Variants in CTNNA3 observed in about 807,000 individuals in gnomAD.
CTNNA3 encodes the protein catenin alpha-3.
In CTNNA3, 76 loss-of-function variants were observed where a neutral mutation model predicts 95.7. The observed-to-expected ratio is 0.79, with a 90% confidence interval of 0.66 to 0.96. The LOEUF (loss-of-function observed/expected upper bound fraction) is 0.96. CTNNA3 is among the 40% of genes least tolerant of loss of function. The pLI is 0.00. For synonymous variants in CTNNA3, 431 were observed against 374.4 expected (o/e 1.15, Z -1.74); for missense variants, 1,191 against 1,089.8 (o/e 1.09, Z -1.31).
chr10:67,611,810 G>A (rs967636469), intron 2 of CTNNA3, among the ~76,000 whole-genome samples: 1 of 152,070 alleles, frequency 6.6e-6, no homozygotes, highest in Non-Finnish European at 1.5e-5. Context: ...GCTCACAGGA[G>A]CCTTCAGGGC....
chr10:67,569,390 G>C (rs1364499055), intron 3 of CTNNA3, among the ~76,000 whole-genome samples: 1 of 152,128 alleles, frequency 6.6e-6, no homozygotes, highest in Non-Finnish European at 1.5e-5. Context: ...TAAAGTATGA[G>C]AAATTCTGTA....
At chr10:67,388,902 TGAAG>T (rs1029078275) in intron 5 of CTNNA3, among the ~76,000 whole-genome samples, 9 of 152,074 alleles carry the variant, frequency 5.9e-5, no homozygotes, top group Non-Finnish European at 1.2e-4. Flanking sequence ...CAAGAGCTCC[TGAAG>T]GAAGCGCTAA....
At position 67,289,442 on chromosome 10, in the gene CTNNA3, G is replaced by A. The variant is rs144244843; in HGVS notation, c.580-69572C>T. Among the ~76,000 whole-genome samples the A allele has an allele frequency of 3.2e-3, 485 of 152,242 alleles. 4 individuals carry two copies. The highest frequency in any genetic ancestry group is 0.011 in the African/African-American group (462 of 41,520). ...TGCTCTTGTACAGATGAGGAAACTA[G>A]GATCAGGGTAATTACATCCAAGGTC... On this transcript the variant is annotated intron_variant, in intron 5 of 17. Transcript: ENST00000433211.
At chr10:67,650,814 G>A (rs906034627) in intron 1 of CTNNA3, among the ~76,000 whole-genome samples, 2 of 152,138 alleles carry the variant, frequency 1.3e-5, no homozygotes, top group African/African-American at 4.8e-5. Flanking sequence ...AGGGATGATG[G>A]AAGATCAGAG....
chr10:66,960,724 G>A (rs1849063060), intron 7 of CTNNA3, among the ~76,000 whole-genome samples: 1 of 152,060 alleles, frequency 6.6e-6, no homozygotes, highest in Admixed American at 6.6e-5. Flanking sequence ...AATTTTAAGG[G>A]GGAAATACAG....
At chr10:67,120,001 C>T (rs931845129) in intron 7 of CTNNA3, among the ~76,000 whole-genome samples, 6 of 151,802 alleles carry the variant, frequency 4.0e-5, no homozygotes, top group Non-Finnish European at 7.4e-5. Context: ...CATATCTTAG[C>T]TCTAGATAAA....
chr10:66,689,032 T>C (rs1401501003), intron 9 of CTNNA3, among the ~76,000 whole-genome samples: 2 of 151,910 alleles, frequency 1.3e-5, no homozygotes, highest in African/African-American at 4.8e-5. Context: ...AGAAGAATAC[T>C]TGACATACAG....
chr10:65,994,798 G>C (rs2078619487), intron 15 of CTNNA3, among the ~76,000 whole-genome samples: 1 of 151,892 alleles, frequency 6.6e-6, no homozygotes, highest in East Asian at 1.9e-4. Flanking sequence ...TTGAAACTTT[G>C]GTTACTTTAT....
At chr10:67,493,206 T>TGG (rs1379629513) in intron 5 of CTNNA3, among the ~76,000 whole-genome samples, 3 of 142,330 alleles carry the variant, frequency 2.1e-5, no homozygotes, top group Non-Finnish European at 4.5e-5. Flanking sequence ...TAGCTCAACG[T>TGG]GGGGGAAAAA....
chr10:66,563,997 C>G (rs1468016626), intron 10 of CTNNA3, among the ~76,000 whole-genome samples: 2 of 151,988 alleles, frequency 1.3e-5, no homozygotes, highest in African/African-American at 4.8e-5. Context: ...ATGTATAAAA[C>G]CAAGCTGTAC....
intron 7 of CTNNA3, among the ~76,000 whole-genome samples, chr10:66,923,619 T>A (rs1237322394): frequency 1.3e-5 from 2 of 152,248 alleles, no homozygotes; most frequent in African/African-American, 2.4e-5. Flanking sequence ...TATTTACTGT[T>A]CTCATGAAAT....
chr10:67,172,998 C>A (rs921982658), intron 7 of CTNNA3, among the ~76,000 whole-genome samples: 13 of 151,616 alleles, frequency 8.6e-5, no homozygotes, highest in African/African-American at 3.2e-4. Flanking sequence ...AAAAATGTAT[C>A]CCGGTTTGGA....
intron 5 of CTNNA3, among the ~76,000 whole-genome samples, chr10:67,353,283 T>C (rs1001818200): frequency 4.6e-5 from 7 of 151,974 alleles, no homozygotes; most frequent in Non-Finnish European, 1.0e-4. Flanking sequence ...TCTGTTTTCA[T>C]TGGTCTACTG....
intron 7 of CTNNA3, among the ~76,000 whole-genome samples, chr10:66,943,887 A>T (rs1848150219): frequency 1.3e-5 from 2 of 152,220 alleles, no homozygotes; most frequent in Non-Finnish European, 2.9e-5. Flanking sequence ...CTTATAATTT[A>T]AAAATACTTT....
intron 6 of CTNNA3, among the ~76,000 whole-genome samples, chr10:67,211,250 G>T (rs535544168): frequency 6.7e-5 from 10 of 148,296 alleles, no homozygotes; most frequent in Middle Eastern, 3.4e-3. Context: ...ATTCATTTTG[G>T]TTTTTTCAAG....
At chr10:66,423,948 T>C (rs2093218201) in intron 11 of CTNNA3, among the ~76,000 whole-genome samples, 1 of 152,222 alleles carries the variant, frequency 6.6e-6, no homozygotes, top group South Asian at 2.1e-4. Context: ...AGAGTTAATG[T>C]TGTTATTACT....
At chr10:67,319,999 T>A (rs1841240355) in intron 5 of CTNNA3, among the ~76,000 whole-genome samples, 1 of 152,118 alleles carries the variant, frequency 6.6e-6, no homozygotes, top group East Asian at 1.9e-4. Context: ...AGGAACTGTA[T>A]ATGTTTTAGT....
intron 5 of CTNNA3, among the ~76,000 whole-genome samples, chr10:67,455,991 A>C (rs943832557): frequency 6.6e-6 from 1 of 152,196 alleles, no homozygotes; most frequent in African/African-American, 2.4e-5. Context: ...AAACTGCAAG[A>C]AAGGTATACA....
chr10:66,773,606 G>A (rs912893523), intron 8 of CTNNA3, among the ~76,000 whole-genome samples: 2 of 152,152 alleles, frequency 1.3e-5, no homozygotes, highest in Admixed American at 1.3e-4. Context: ...ACAGAAAATG[G>A]CCCCGCTGAC....
Sources: allele counts gnomAD v4.1 joint callset (sites outside exome capture counted in the v4.1 genomes callset), GRCh38; gene constraint gnomAD v4.1.1; transcripts MANE v1.5; gene names NCBI Gene and HGNC (gene_info 2026-07-23, HGNC 2026-07-21).